PDE4B: variants seen among roughly 807,000 people sequenced by gnomAD.
The protein encoded by PDE4B is phosphodiesterase 4B, also known as 3',5'-cyclic-AMP phosphodiesterase 4B.
PDE4B carries 20 observed loss-of-function variants against 82.2 expected under a neutral mutation model. The ratio of observed to expected loss-of-function variants is 0.24; its 90% CI spans 0.17 to 0.35. The LOEUF is 0.35. Among genes scored for constraint, PDE4B ranks in the 10% least tolerant of loss-of-function variants. The pLI, the probability that PDE4B is intolerant of heterozygous loss-of-function variation, is 1.00. For synonymous variants in PDE4B, 320 were observed against 318.9 expected (o/e 1.00, Z -0.04); for missense variants, 655 against 907.2 (o/e 0.72, Z 3.57).
At chr1:66,290,378 A>T (rs1010538832) in intron 7 of PDE4B, among the ~76,000 whole-genome samples, 4 of 152,146 alleles carry the variant, frequency 2.6e-5, no homozygotes, top group African/African-American at 7.2e-5. Flanking sequence ...TCATTTATTA[A>T]CTCAATCCTC....
intron 3 of PDE4B, among the ~76,000 whole-genome samples, chr1:66,240,573 A>G (rs1307755786): frequency 2.0e-5 from 3 of 152,086 alleles, no homozygotes; most frequent in East Asian, 1.9e-4. Context: ...TCACACTACT[A>G]TGTTTTATTT....
chr1:66,119,609 A>G (rs996686601), intron 3 of PDE4B, among the ~76,000 whole-genome samples: 1 of 152,210 alleles, frequency 6.6e-6, no homozygotes, highest in South Asian at 2.1e-4. Context: ...TTTTCTGGGC[A>G]CAAGCTTCTG....
intron 3 of PDE4B, among the ~76,000 whole-genome samples, chr1:66,161,806 A>G (rs1646618333): frequency 6.6e-6 from 1 of 151,976 alleles, no homozygotes; most frequent in Non-Finnish European, 1.5e-5. Flanking sequence ...CCCCATTGAT[A>G]CTCTACTCTG....
rs375768734 is a variant in PDE4B at position 66,265,665 on chromosome 1, C to A, written c.585-373C>A. Among the ~76,000 whole-genome samples, 8 of 149,996 alleles carry A rather than the reference C, an allele frequency of 5.3e-5. 1 individual carries two copies. The highest frequency in any genetic ancestry group is 3.9e-4 in the East Asian group (2 of 5,170). On this transcript the variant is annotated intron_variant, in intron 6 of 16. Coordinates refer to ENST00000341517, the MANE Select transcript of PDE4B (RefSeq NM_002600.4). ...CCTCTGGCTATAACTTTTTACAGCA[C>A]TGCCCAAAGGAATTGAGATTCACTC... is the stretch of plus-strand genomic sequence containing the variant.
chr1:66,153,683 G>A (rs534112788), intron 3 of PDE4B, among the ~76,000 whole-genome samples: 61 of 152,274 alleles, frequency 4.0e-4, no homozygotes, highest in African/African-American at 1.4e-3. Flanking sequence ...TAAGTCAACC[G>A]TAGGTGTCCA....
intron 3 of PDE4B, among the ~76,000 whole-genome samples, chr1:65,919,894 A>T (rs1647206831): frequency 6.6e-6 from 1 of 152,210 alleles, no homozygotes; most frequent in Non-Finnish European, 1.5e-5. Context: ...CAGGTATCAC[A>T]GTTAATAGCA....
At chr1:66,010,830 C>T (rs1296662277) in intron 3 of PDE4B, among the ~76,000 whole-genome samples, 1 of 144,182 alleles carries the variant, frequency 6.9e-6, no homozygotes, top group African/African-American at 2.6e-5. Flanking sequence ...TGGATGGAAG[C>T]AAGGAGAGAA....
At chr1:66,281,838 C>T (rs577654144) in intron 7 of PDE4B, among the ~76,000 whole-genome samples, 120 of 152,146 alleles carry the variant, frequency 7.9e-4, no homozygotes, top group Non-Finnish European at 1.4e-3. Flanking sequence ...TTTTTTTAAC[C>T]AATAAAACTA....
At chr1:66,069,342 C>T (rs891525417) in intron 3 of PDE4B, among the ~76,000 whole-genome samples, 1 of 151,762 alleles carries the variant, frequency 6.6e-6, no homozygotes, top group Non-Finnish European at 1.5e-5. Flanking sequence ...TGTGAAATAC[C>T]CTCCTTGACT....
intron 1 of PDE4B, among the ~76,000 whole-genome samples, chr1:65,906,817 G>A (rs946420232): frequency 6.6e-6 from 1 of 152,116 alleles, no homozygotes; most frequent in Non-Finnish European, 1.5e-5. Flanking sequence ...TGGTTGTTCA[G>A]GAGACATGTT....
At chr1:66,095,328 T>C (rs1180064695) in intron 3 of PDE4B, among the ~76,000 whole-genome samples, 1 of 151,910 alleles carries the variant, frequency 6.6e-6, no homozygotes, top group Non-Finnish European at 1.5e-5. Flanking sequence ...AATTACATTG[T>C]AGAGAGAAAT....
chr1:65,801,433 T>C (rs527966374), intron 1 of PDE4B, among the ~76,000 whole-genome samples: 6 of 152,226 alleles, frequency 3.9e-5, no homozygotes, highest in Non-Finnish European at 8.8e-5. Context: ...TTTTACATTT[T>C]TGAAGGATAA....
At chr1:66,226,854 G>C (rs192830211) in intron 3 of PDE4B, among the ~76,000 whole-genome samples, 2 of 152,132 alleles carry the variant, frequency 1.3e-5, no homozygotes, top group Non-Finnish European at 2.9e-5. Flanking sequence ...TCAAAGAATG[G>C]AAACAAGAAG....
chr1:65,837,095 T>A (rs966101218), intron 1 of PDE4B, among the ~76,000 whole-genome samples: 4 of 152,134 alleles, frequency 2.6e-5, no homozygotes, highest in African/African-American at 9.7e-5. Flanking sequence ...GCACCAGTTT[T>A]TTTTTTTTTA....
rs368502825 is a variant in PDE4B, at chr1:66,332,458, C to G, written c.635-50C>G. 21 of 1,614,022 alleles carry G rather than the reference C, an allele frequency of 1.3e-5. 1 individual carries two copies. Among genetic ancestry groups the G allele is most frequent in the Non-Finnish European group, 1.8e-5 (21 of 1,180,040 alleles). ...GTGGTAGCGGTGACTCTGCTATGGA[C>G]AGCCTGCAGCCGCTCCAGCCTAACT... On this transcript the variant is annotated intron_variant, in intron 7 of 16. Coordinates refer to ENST00000341517, the MANE Select transcript of PDE4B (RefSeq NM_002600.4).
At chr1:66,103,244 G>C (rs567007929) in intron 3 of PDE4B, among the ~76,000 whole-genome samples, 1 of 151,264 alleles carries the variant, frequency 6.6e-6, no homozygotes, top group African/African-American at 2.4e-5. Context: ...CCTGCCTCAC[G>C]CAAATTTATT....
intron 3 of PDE4B, among the ~76,000 whole-genome samples, chr1:66,006,992 G>A (rs1652188268): frequency 6.6e-6 from 1 of 152,040 alleles, no homozygotes; most frequent in South Asian, 2.1e-4. Context: ...AATTAGCCAG[G>A]CATAGTGGCA....
intron 3 of PDE4B, among the ~76,000 whole-genome samples, chr1:66,138,392 A>ATG (rs1646102404): frequency 6.6e-6 from 1 of 152,076 alleles, no homozygotes; most frequent in Non-Finnish European, 1.5e-5. Flanking sequence ...GGTGGCGGGC[A>ATG]CCTGTAATCC....
At chr1:66,227,525 T>C (rs1341783403) in intron 3 of PDE4B, among the ~76,000 whole-genome samples, 1 of 152,218 alleles carries the variant, frequency 6.6e-6, no homozygotes, top group Non-Finnish European at 1.5e-5. Context: ...GATTATTTAT[T>C]GAACATCTAC....
Sources: gnomAD v4.1 joint callset for allele counts (sites outside exome capture counted in the v4.1 genomes callset) on GRCh38, gnomAD v4.1.1 for gene constraint, MANE v1.5 for transcripts, NCBI Gene and HGNC (gene_info 2026-07-23, HGNC 2026-07-21) for gene names.